Variants in MAPKAP1 observed in about 807,000 individuals in gnomAD.
MAPKAP1 encodes target of rapamycin complex 2 subunit MAPKAP1.
Under a neutral mutation model 65.7 loss-of-function variants are expected in MAPKAP1, and 20 were observed. The ratio of observed to expected loss-of-function variants is 0.30; its 90% CI spans 0.21 to 0.44. MAPKAP1 has a LOEUF of 0.44. MAPKAP1 is among the 20% of genes least tolerant of loss of function. The pLI is 1.00. For synonymous variants in MAPKAP1, 222 were observed against 244.3 expected, an observed-to-expected ratio of 0.91 and a Z score of 0.85; for missense variants, 423 against 648.0, an observed-to-expected ratio of 0.65 and a Z score of 3.77.
chr9:125,595,488 A>C lies in MAPKAP1; in HGVS notation c.499-9761T>G. 2.8e-6 allele frequency: 3 copies of C among 1,055,678 alleles called. No individual in the cohort carries two copies. The highest frequency in any genetic ancestry group is 3.5e-6 in the Non-Finnish European group (3 of 865,704). The allele number at this position is 1,055,678 out of a possible 1,614,324, so 65.4% of individuals were successfully genotyped here. A position where few individuals can be genotyped will look rare whatever the true frequency, so the allele number is the denominator to read the frequency against. ...AATATACATTAGCTGCTTATCATAA[A>C]ATTAATTTCAAAATCATATACCTGA... On this transcript the variant is annotated intron_variant, in intron 4 of 11. Coordinates refer to ENST00000265960, the MANE Select transcript of MAPKAP1 (RefSeq NM_001006617.3). This position sits in a 1 kb window ranked among gnomAD's most constrained non-coding sequence, Gnocchi z 4.0.
chr9:125,577,398 C>T (rs1241015966), intron 5 of MAPKAP1, among the ~76,000 whole-genome samples: 29 of 148,236 alleles, frequency 2.0e-4, no homozygotes, highest in Non-Finnish European at 2.3e-4. Context: ...GGGGGGTCAG[C>T]CCCCCGCCTG....
Position 125,595,638 on chromosome 9 carries a change from A to G in MAPKAP1, c.499-9911T>C, listed in dbSNP as rs1832100939. ...TTTCTGCCTGTGGACACGCCAAGGA[A>G]GCATCGTTAAAGTCTCTCTTCTCCC... On this transcript the variant is annotated intron_variant, in intron 4 of 11. Coordinates refer to ENST00000265960, the MANE Select transcript of MAPKAP1 (RefSeq NM_001006617.3). The surrounding 1 kb of genome is among the most constrained non-coding windows in gnomAD (Gnocchi z 4.0). The G allele has an allele frequency of 2.8e-6, 4 of 1,453,620 alleles. No homozygotes were observed. In the East Asian group the frequency reaches 7.9e-5, roughly 29 times the overall value. The allele number at this position is 1,453,620 out of a possible 1,614,324, so 90.0% of individuals were successfully genotyped here. A position where few individuals can be genotyped will look rare whatever the true frequency, so the allele number is the denominator to read the frequency against.
chr9:125,559,322 G>A (rs1830824855), intron 6 of MAPKAP1: 1 of 205,412 alleles, frequency 4.9e-6, no homozygotes, highest in African/African-American at 2.3e-5. Flanking sequence ...CGCAGAGAAG[G>A]TGCAAACCTA....
At chr9:125,532,172 C>T (rs1252098968) in intron 7 of MAPKAP1, among the ~76,000 whole-genome samples, 1 of 152,170 alleles carries the variant, frequency 6.6e-6, no homozygotes, top group Non-Finnish European at 1.5e-5. Flanking sequence ...ATTAGAAATA[C>T]ATACAAGTGT....
At chr9:125,539,051 AT>A (rs1404096445) in intron 7 of MAPKAP1, among the ~76,000 whole-genome samples, 1 of 152,180 alleles carries the variant, frequency 6.6e-6, no homozygotes, top group Non-Finnish European at 1.5e-5. Context: ...CACTGGTGAC[AT>A]TCTAGGGGTC....
chr9:125,456,746 C>T (rs1446499262), intron 10 of MAPKAP1, among the ~76,000 whole-genome samples: 1 of 152,150 alleles, frequency 6.6e-6, no homozygotes, highest in African/African-American at 2.4e-5. Context: ...GCTTGGAAGA[C>T]CTTGTCTGAA....
At chr9:125,626,823 T>C (rs1345022198) in intron 4 of MAPKAP1, among the ~76,000 whole-genome samples, 1 of 152,236 alleles carries the variant, frequency 6.6e-6, no homozygotes, top group Non-Finnish European at 1.5e-5. Context: ...GTGATTAATA[T>C]TCATGTCCAA....
chr9:125,548,875 G>A (rs1830503773), intron 6 of MAPKAP1, among the ~76,000 whole-genome samples: 1 of 152,118 alleles, frequency 6.6e-6, no homozygotes, highest in Non-Finnish European at 1.5e-5. Flanking sequence ...GAAAATTGAG[G>A]TTTGGCAAGG....
chr9:125,695,882 T>C (rs1365437895), intron 1 of MAPKAP1, among the ~76,000 whole-genome samples: 2 of 151,980 alleles, frequency 1.3e-5, no homozygotes, highest in Admixed American at 1.3e-4. Context: ...GCATGTGCCA[T>C]CACACCCGGC....
intron 1 of MAPKAP1, among the ~76,000 whole-genome samples, chr9:125,702,534 C>T (rs1376991427): frequency 6.7e-6 from 1 of 148,994 alleles, no homozygotes; most frequent in Non-Finnish European, 1.5e-5. Flanking sequence ...AACTCCTTCC[C>T]ACAAAAAAAA....
intron 10 of MAPKAP1, among the ~76,000 whole-genome samples, chr9:125,465,161 T>C (rs767281137): frequency 6.6e-6 from 1 of 152,238 alleles, no homozygotes; most frequent in Non-Finnish European, 1.5e-5. Context: ...AGGAAATATA[T>C]TGCAGAAATC....
chr9:125,438,223 A>G lies in MAPKAP1; in HGVS notation c.*664T>C. 2.5e-6 allele frequency: 1 copy of G among 395,936 alleles called. No individual in the cohort carries two copies. Among genetic ancestry groups the G allele is most frequent in the Non-Finnish European group, 4.4e-6 (1 of 224,846 alleles). The allele number at this position is 395,936 out of a possible 1,614,324, so 24.5% of individuals were successfully genotyped here. A position where few individuals can be genotyped will look rare whatever the true frequency, so the allele number is the denominator to read the frequency against. On this transcript the variant is annotated 3_prime_UTR_variant, in exon 12 of 12. Coordinates refer to ENST00000265960, the MANE Select transcript of MAPKAP1 (RefSeq NM_001006617.3). ...CAGAAGCTGGGGTGTGCTGAAGGGG[A>G]AAGTGACACGGCCTTGGACACACCA...
chr9:125,686,628 A>G (rs1834987491), intron 1 of MAPKAP1, among the ~76,000 whole-genome samples: 3 of 152,114 alleles, frequency 2.0e-5, no homozygotes, highest in South Asian at 2.1e-4. Flanking sequence ...TTCGCTTCAC[A>G]TTGTTTTCCC....
intron 4 of MAPKAP1, among the ~76,000 whole-genome samples, chr9:125,618,602 TG>T (rs1832810838): frequency 6.6e-6 from 1 of 152,026 alleles, no homozygotes; most frequent in African/African-American, 2.4e-5. Flanking sequence ...TTTTTCAGAA[TG>T]GAAGAAAAAA....
At chr9:125,640,721 T>C (rs1424394748) in intron 4 of MAPKAP1, among the ~76,000 whole-genome samples, 40 of 152,228 alleles carry the variant, frequency 2.6e-4, no homozygotes, top group Non-Finnish European at 8.8e-5. Context: ...AGTCAAAGTC[T>C]TCTAAGTCAA....
intron 3 of MAPKAP1, among the ~76,000 whole-genome samples, chr9:125,663,067 G>GT (rs968512358): frequency 4.6e-5 from 7 of 151,350 alleles, no homozygotes; most frequent in South Asian, 2.1e-4. Flanking sequence ...ACAATAAAAA[G>GT]TTTTTTTTTA....
In MAPKAP1 at chr9:125,596,463, C is replaced by G. The variant is rs187443351; in HGVS notation, c.499-10736G>C. 8.9e-5 allele frequency: 67 copies of G among 756,816 alleles called. No homozygotes were observed. In the East Asian group the frequency reaches 1.6e-3, roughly 18 times the overall value. The allele number at this position is 756,816 out of a possible 1,614,324, so 46.9% of individuals were successfully genotyped here. A position where few individuals can be genotyped will look rare whatever the true frequency, so the allele number is the denominator to read the frequency against. ...GAAGCTACAATGATTCTGGCAATTA[C>G]AACAATCAGTCTTCAAATTTTGAAC... On this transcript the variant is annotated intron_variant, in intron 4 of 11. Transcript: ENST00000265960.
At chr9:125,570,593 G>C (rs964509812) in intron 5 of MAPKAP1, among the ~76,000 whole-genome samples, 1 of 152,154 alleles carries the variant, frequency 6.6e-6, no homozygotes, top group Non-Finnish European at 1.5e-5. Flanking sequence ...GTTGCTAAGA[G>C]TTAACATTAT....
At chr9:125,618,775 G>A (rs1239941976) in intron 4 of MAPKAP1, among the ~76,000 whole-genome samples, 1 of 152,122 alleles carries the variant, frequency 6.6e-6, no homozygotes, top group Non-Finnish European at 1.5e-5. Flanking sequence ...ATGCAGTAAA[G>A]GGTCACTTAG....
Sources: allele counts gnomAD v4.1 joint callset (sites outside exome capture counted in the v4.1 genomes callset), GRCh38; gene constraint gnomAD v4.1.1; non-coding constraint Gnocchi (gnomAD v3.1); transcripts MANE v1.5; gene names NCBI Gene and HGNC (gene_info 2026-07-23, HGNC 2026-07-21).